Variants in ELOVL2 observed in about 807,000 individuals in gnomAD.
ELOVL2 encodes ELOVL fatty acid elongase 2, also known as very long chain fatty acid elongase 2.
A neutral mutation model predicts 37.7 loss-of-function variants in ELOVL2; 38 were observed. The ratio of observed to expected loss-of-function variants is 1.01; its 90% CI spans 0.78 to 1.32. The LOEUF (loss-of-function observed/expected upper bound fraction) is 1.32. ELOVL2 is among the 40% of genes most tolerant of loss of function. ELOVL2 has a pLI of 0.00. For missense variants in ELOVL2, 352 were observed against 363.6 expected, an observed-to-expected ratio of 0.97 and a Z score of 0.26; for synonymous variants, 115 against 122.3, an observed-to-expected ratio of 0.94 and a Z score of 0.40.
chr6:11,017,283 A>G (rs142817816), intron 1 of ELOVL2, among the ~76,000 whole-genome samples: 6 of 152,316 alleles, frequency 3.9e-5, no homozygotes, highest in African/African-American at 1.4e-4. Context: ...TTCCCAATTT[A>G]CAGATGTGGA....
intron 1 of ELOVL2, among the ~76,000 whole-genome samples, chr6:11,024,012 TTCA>T (rs1259255687): frequency 6.6e-6 from 1 of 152,182 alleles, no homozygotes; most frequent in East Asian, 1.9e-4. Context: ...CCTTAATTCA[TTCA>T]TCACTGTTCA....
At chr6:11,035,392 C>T (rs1561729313) in intron 1 of ELOVL2, among the ~76,000 whole-genome samples, 1 of 152,340 alleles carries the variant, frequency 6.6e-6, no homozygotes, top group African/African-American at 2.4e-5. Context: ...CCTCACGTAG[C>T]CTAGGAATGT....
intron 4 of ELOVL2, among the ~76,000 whole-genome samples, chr6:10,995,938 C>A (rs968782758): frequency 6.6e-6 from 1 of 152,152 alleles, no homozygotes; most frequent in Non-Finnish European, 1.5e-5. Flanking sequence ...TGTCCAAGGG[C>A]AGTCTATGGC....
At chr6:11,031,038 G>A (rs1018425622) in intron 1 of ELOVL2, among the ~76,000 whole-genome samples, 5 of 152,106 alleles carry the variant, frequency 3.3e-5, no homozygotes, top group African/African-American at 7.2e-5. Flanking sequence ...GCACTATAAC[G>A]TAGCACACTT....
intron 1 of ELOVL2, among the ~76,000 whole-genome samples, chr6:11,023,149 A>G (rs919769264): frequency 1.3e-5 from 2 of 152,264 alleles, no homozygotes; most frequent in African/African-American, 4.8e-5. Context: ...GAGTGAATAT[A>G]AAACTCCTTG....
At chr6:11,006,165 A>G (rs1782480479) in intron 2 of ELOVL2, among the ~76,000 whole-genome samples, 1 of 152,222 alleles carries the variant, frequency 6.6e-6, no homozygotes, top group South Asian at 2.1e-4. Flanking sequence ...CAGAGAAAGC[A>G]ATAGGATGAC....
intron 7 of ELOVL2, 76 bp downstream of exon 7, chr6:10,989,627 G>T: frequency 6.8e-7 from 1 of 1,469,554 alleles, no homozygotes. Flanking sequence ...CAATAAGAGC[G>T]AAACTCTGTC....
intron 1 of ELOVL2, among the ~76,000 whole-genome samples, chr6:11,026,602 T>A (rs1409456203): frequency 6.6e-6 from 1 of 152,208 alleles, no homozygotes; most frequent in African/African-American, 2.4e-5. Flanking sequence ...CTCCTTTGTT[T>A]CACTCGACTA....
intron 5 of ELOVL2, among the ~76,000 whole-genome samples, chr6:10,991,266 T>A (rs190937201): frequency 6.6e-6 from 1 of 152,322 alleles, no homozygotes; most frequent in Non-Finnish European, 1.5e-5. Flanking sequence ...TTGTGAGGAT[T>A]TCATCAGTAC....
chr6:10,999,708 C>T (rs75823542), intron 4 of ELOVL2, among the ~76,000 whole-genome samples: 3,054 of 152,226 alleles, frequency 0.02, 91 homozygotes, highest in African/African-American at 0.069. Flanking sequence ...TTTATCCTCT[C>T]GTTTCTTTTT....
chr6:11,042,680 A>G (rs1373908817), intron 1 of ELOVL2, among the ~76,000 whole-genome samples: 1 of 151,956 alleles, frequency 6.6e-6, no homozygotes, highest in Non-Finnish European at 1.5e-5. Flanking sequence ...ATAGCCGCCT[A>G]GACTCGTCAT....
At chr6:11,029,768 G>A (rs1782894425) in intron 1 of ELOVL2, among the ~76,000 whole-genome samples, 1 of 152,132 alleles carries the variant, frequency 6.6e-6, no homozygotes, top group African/African-American at 2.4e-5. Context: ...TATTCTCAAA[G>A]GTCAATTAGT....
chr6:10,983,716 C>T lies in ELOVL2; in HGVS notation c.*65G>A. 6.7e-7 allele frequency: 1 copy of T among 1,498,234 alleles called. No individual in the cohort carries two copies. Among genetic ancestry groups the T allele is most frequent in the Non-Finnish European group, 9.0e-7 (1 of 1,117,294 alleles). 92.8% of individuals were successfully genotyped at this position (1,498,234 alleles called of 1,614,324 possible). On this transcript the variant is annotated 3_prime_UTR_variant, in exon 8 of 8. Transcript: ENST00000354666. Reference sequence around the variant, plus strand: ...ATCCTAAAACATGTAACCTTCAATTCAGTCTTTGCTTTAAAACAAGCCAAT... The same window carrying T: ...ATCCTAAAACATGTAACCTTCAATTTAGTCTTTGCTTTAAAACAAGCCAAT...
intron 1 of ELOVL2, among the ~76,000 whole-genome samples, chr6:11,024,829 G>A (rs1213239114): frequency 6.6e-6 from 1 of 152,180 alleles, no homozygotes; most frequent in Non-Finnish European, 1.5e-5. Context: ...AAGCAGGTTG[G>A]TTAACTGGAG....
chr6:11,042,494 T>C (rs1206677210), intron 1 of ELOVL2, among the ~76,000 whole-genome samples: 1 of 152,040 alleles, frequency 6.6e-6, no homozygotes, highest in African/African-American at 2.4e-5. Context: ...TCCCATGACT[T>C]TCCTATTCAG....
intron 1 of ELOVL2, chr6:11,043,471 C>CACACACACACACACACACA (rs3839416): frequency 0.24 from 34,339 of 140,312 alleles, 5,455 homozygotes; most frequent in Middle Eastern, 0.34. Context: ...CGGGTGAACA[C>CACACACACACACACACACA]ACACACACAC....
At chr6:11,025,187 T>C (rs2180725) in intron 1 of ELOVL2, among the ~76,000 whole-genome samples, 26,719 of 152,140 alleles carry the variant, frequency 0.18, 2,962 homozygotes, top group Middle Eastern at 0.29. Context: ...GGCTAAGTAA[T>C]AGCAGATTCA....
intron 1 of ELOVL2, among the ~76,000 whole-genome samples, chr6:11,039,664 C>T (rs981960807): frequency 9.9e-5 from 15 of 152,118 alleles, no homozygotes; most frequent in Non-Finnish European, 1.9e-4. Context: ...CTACTAGAAT[C>T]GATTCCCTCT....
chr6:11,028,421 G>A (rs2208338), intron 1 of ELOVL2, among the ~76,000 whole-genome samples: 31,790 of 152,116 alleles, frequency 0.21, 3,439 homozygotes, highest in Middle Eastern at 0.31. Flanking sequence ...AGGCTGATCT[G>A]TGGTTGGGTG....
Sources: gnomAD v4.1 joint callset for allele counts (sites outside exome capture counted in the v4.1 genomes callset) on GRCh38, gnomAD v4.1.1 for gene constraint, MANE v1.5 for transcripts, NCBI Gene and HGNC (gene_info 2026-07-23, HGNC 2026-07-21) for gene names.